Variants in CDYL2 observed in about 807,000 individuals in gnomAD.
CDYL2 encodes the protein chromodomain Y-like protein 2.
CDYL2 carries 23 observed loss-of-function variants against 49.4 expected under a neutral mutation model. The observed-to-expected ratio is 0.47, with a 90% confidence interval of 0.34 to 0.66. The LOEUF is 0.66. CDYL2 is among the 30% of genes least tolerant of loss of function. The pLI is 0.01. For synonymous variants in CDYL2, 360 were observed against 268.8 expected (o/e 1.34, Z -3.32); for missense variants, 678 against 656.4 (o/e 1.03, Z -0.36).
chr16:80,601,881 T>C lies in CDYL2; in HGVS notation c.*2507A>G, dbSNP rs1906101396. 6.6e-6 allele frequency: 1 copy of C among 152,230 alleles called. No individual in the cohort carries two copies. The highest frequency in any genetic ancestry group is 2.4e-5 in the African/African-American group (1 of 41,444). 9.4% of individuals were successfully genotyped at this position (152,230 alleles called of 1,614,324 possible). ...TTCCTACCTTAATCTTCAGAGATCC[T>C]TGAAATGTTTAGAAGTTTGGATTTG... On this transcript the variant is annotated 3_prime_UTR_variant, in exon 7 of 7. Transcript: ENST00000570137.
At chr16:80,801,274 A>T (rs1049363335) in intron 1 of CDYL2, among the ~76,000 whole-genome samples, 1 of 152,190 alleles carries the variant, frequency 6.6e-6, no homozygotes, top group African/African-American at 2.4e-5. Flanking sequence ...ACAAACCAGA[A>T]CTATCTATCA....
intron 1 of CDYL2, among the ~76,000 whole-genome samples, chr16:80,712,305 G>A (rs1378273032): frequency 1.3e-5 from 2 of 151,080 alleles, no homozygotes. Context: ...CTGAAACGTA[G>A]CCACTGGATC....
intron 1 of CDYL2, among the ~76,000 whole-genome samples, chr16:80,775,817 T>A (rs968522865): frequency 6.6e-6 from 1 of 151,440 alleles, no homozygotes; most frequent in African/African-American, 2.4e-5. Context: ...TAGTACTTAA[T>A]AAGCTTTATT....
At chr16:80,774,453 T>G (rs776339404) in intron 1 of CDYL2, among the ~76,000 whole-genome samples, 4 of 152,250 alleles carry the variant, frequency 2.6e-5, no homozygotes, top group Non-Finnish European at 5.9e-5. Context: ...TCAGTTAGAC[T>G]GAAGGTATAT....
At chr16:80,642,833 CAATTATGGG>C (rs746794366) in intron 2 of CDYL2, among the ~76,000 whole-genome samples, 2 of 152,144 alleles carry the variant, frequency 1.3e-5, no homozygotes, top group Non-Finnish European at 2.9e-5. Flanking sequence ...GTCCCTCCCA[CAATTATGGG>C]AATTATGGGA....
intron 2 of CDYL2, among the ~76,000 whole-genome samples, chr16:80,637,936 G>C (rs561504225): frequency 1.3e-5 from 2 of 152,234 alleles, no homozygotes; most frequent in African/African-American, 4.8e-5. Context: ...GTTTATGACA[G>C]CATCCAAAAC....
intron 1 of CDYL2, among the ~76,000 whole-genome samples, chr16:80,766,223 A>G (rs1906719913): frequency 6.6e-6 from 1 of 152,144 alleles, no homozygotes; most frequent in African/African-American, 2.4e-5. Context: ...ACCGAATTGC[A>G]TATTTTAAAG....
At chr16:80,716,944 TAATG>T (rs1904824412) in intron 1 of CDYL2, among the ~76,000 whole-genome samples, 2 of 149,172 alleles carry the variant, frequency 1.3e-5, no homozygotes. Flanking sequence ...AATGGATAGA[TAATG>T]GATGGATGGG....
chr16:80,729,330 A>C (rs1481393711), intron 1 of CDYL2, among the ~76,000 whole-genome samples: 1 of 151,996 alleles, frequency 6.6e-6, no homozygotes, highest in East Asian at 1.9e-4. Context: ...ACTTTAAACC[A>C]ACAAAGATCA....
intron 1 of CDYL2, among the ~76,000 whole-genome samples, chr16:80,697,764 G>T (rs11150306): frequency 6.6e-6 from 1 of 151,590 alleles, no homozygotes; most frequent in Middle Eastern, 3.2e-3. Context: ...CTATACAATC[G>T]TAACAAACTA....
intron 1 of CDYL2, among the ~76,000 whole-genome samples, chr16:80,733,195 T>A (rs1303676490): frequency 6.6e-6 from 1 of 152,206 alleles, no homozygotes; most frequent in Admixed American, 6.5e-5. Flanking sequence ...ACAAAGAAGT[T>A]GGATTCACAA....
At chr16:80,676,413 A>G (rs943710273) in intron 2 of CDYL2, among the ~76,000 whole-genome samples, 7 of 152,106 alleles carry the variant, frequency 4.6e-5, no homozygotes, top group Non-Finnish European at 8.8e-5. Flanking sequence ...TGCTGACAAG[A>G]GGCTGCCCCG....
chr16:80,608,316 C>T, intron 5 of CDYL2, 81 bp from the exon 6 acceptor site: 1 of 1,407,822 alleles, frequency 7.1e-7, no homozygotes, highest in Non-Finnish European at 9.4e-7. Context: ...TTGCCACCTG[C>T]AACCATCCCA....
intron 6 of CDYL2, among the ~76,000 whole-genome samples, chr16:80,606,516 G>A (rs1336447178): frequency 6.6e-6 from 1 of 152,080 alleles, no homozygotes; most frequent in African/African-American, 2.4e-5. Context: ...ACTGCACACT[G>A]CTGCCTACAC....
intron 1 of CDYL2, among the ~76,000 whole-genome samples, chr16:80,729,856 G>A (rs988310446): frequency 5.9e-5 from 9 of 152,080 alleles, no homozygotes; most frequent in Admixed American, 3.3e-4. Context: ...TGACTACTGG[G>A]TGCATAACGA....
intron 1 of CDYL2, among the ~76,000 whole-genome samples, chr16:80,757,443 GA>G (rs1906349323): frequency 6.6e-6 from 1 of 151,492 alleles, no homozygotes; most frequent in African/African-American, 2.4e-5. Flanking sequence ...AGGAGGCTGA[GA>G]GGGGAGGCTT....
chr16:80,680,549 A>G (rs142328296), intron 2 of CDYL2, among the ~76,000 whole-genome samples: 22 of 152,314 alleles, frequency 1.4e-4, no homozygotes, highest in Non-Finnish European at 2.2e-4. Context: ...AGGCAGAACC[A>G]CAGCAAGGGT....
At chr16:80,659,858 TCA>T (rs2142432920) in intron 2 of CDYL2, among the ~76,000 whole-genome samples, 1 of 152,052 alleles carries the variant, frequency 6.6e-6, no homozygotes, top group East Asian at 1.9e-4. Context: ...GAAAAAGTTC[TCA>T]GTTTGAAAGA....
chr16:80,675,506 C>T (rs996323206), intron 2 of CDYL2, among the ~76,000 whole-genome samples: 3 of 152,176 alleles, frequency 2.0e-5, no homozygotes, highest in Admixed American at 6.5e-5. Context: ...CCACCACCAC[C>T]GCTGCCACCA....
Sources: gnomAD v4.1 joint callset for allele counts (sites outside exome capture counted in the v4.1 genomes callset) on GRCh38, gnomAD v4.1.1 for gene constraint, MANE v1.5 for transcripts, NCBI Gene and HGNC (gene_info 2026-07-23, HGNC 2026-07-21) for gene names.